XKR9: variants seen among roughly 807,000 people sequenced by gnomAD.
The protein encoded by XKR9 is XK related 9, also known as XK-related protein 9.
In XKR9, 32 loss-of-function variants were observed where a neutral mutation model predicts 32.0. That is an observed-to-expected ratio of 1.00 (90% CI 0.76 to 1.34). XKR9 has a LOEUF of 1.34. Among genes scored for constraint, XKR9 ranks in the 40% most tolerant of loss-of-function variants. XKR9 has a pLI of 0.00. For synonymous variants in XKR9, 168 were observed against 143.4 expected, an observed-to-expected ratio of 1.17 and a Z score of -1.22; for missense variants, 546 against 429.7, an observed-to-expected ratio of 1.27 and a Z score of -2.39.
chr8:71,044,136 G>C, the XKR9 span, among the ~76,000 whole-genome samples: 1 of 152,168 alleles, frequency 6.6e-6, no homozygotes, highest in Admixed American at 6.6e-5. Flanking sequence ...TATGCCTCTA[G>C]GGGTAATTTA....
chr8:70,935,797 C>A, the XKR9 span, among the ~76,000 whole-genome samples: 1 of 152,036 alleles, frequency 6.6e-6, no homozygotes, highest in Non-Finnish European at 1.5e-5. Context: ...AAGAATAATT[C>A]TGTTTGTTAG....
At chr8:70,812,471 A>G in the XKR9 span, among the ~76,000 whole-genome samples, 17 of 152,178 alleles carry the variant, frequency 1.1e-4, no homozygotes, top group East Asian at 1.5e-3. Flanking sequence ...GAAATAAAGG[A>G]TATTCAATGA....
chr8:71,023,803 A>G, the XKR9 span, among the ~76,000 whole-genome samples: 1 of 152,116 alleles, frequency 6.6e-6, no homozygotes, highest in Non-Finnish European at 1.5e-5. Context: ...GCAGGAAGGC[A>G]CCAGTGGTGG....
chr8:71,032,950 G>T, the XKR9 span, among the ~76,000 whole-genome samples: 1 of 152,062 alleles, frequency 6.6e-6, no homozygotes, highest in Non-Finnish European at 1.5e-5. Flanking sequence ...TGGGTGTGGT[G>T]GTGGGCACCT....
At position 70,680,971 on chromosome 8, in the gene XKR9, C is replaced by A; in HGVS notation, c.-88C>A. On this transcript the variant is annotated 5_prime_UTR_variant, in exon 3 of 5. It introduces an in-frame stop codon into an upstream open reading frame of the 5' UTR. Transcript: ENST00000408926. ...GTAGAAATTAAAATTCAATGCTATA[C>A]CAAAGGGTATACTAATATTTGTTTG... The A allele has an allele frequency of 7.8e-7, 1 of 1,285,518 alleles. No homozygotes were observed. Among genetic ancestry groups the A allele is most frequent in the Non-Finnish European group, 1.1e-6 (1 of 933,866 alleles). 79.6% of individuals were successfully genotyped at this position (1,285,518 alleles called of 1,614,324 possible).
At chr8:71,016,869 C>A in the XKR9 span, among the ~76,000 whole-genome samples, 1 of 151,504 alleles carries the variant, frequency 6.6e-6, no homozygotes, top group African/African-American at 2.4e-5. Flanking sequence ...AACCATTGAC[C>A]AGGAAAGCCC....
At chr8:70,724,117 A>G (rs960795590) in intron 4 of XKR9, among the ~76,000 whole-genome samples, 5 of 151,992 alleles carry the variant, frequency 3.3e-5, no homozygotes, top group South Asian at 4.1e-4. Flanking sequence ...CACTCTGGCC[A>G]CAGCCATTTT....
chr8:71,059,314 G>T, the XKR9 span, among the ~76,000 whole-genome samples: 11 of 152,182 alleles, frequency 7.2e-5, no homozygotes, highest in African/African-American at 2.7e-4. Context: ...CACTAACAAG[G>T]TGATTTCTTT....
chr8:70,886,840 G>A, the XKR9 span, among the ~76,000 whole-genome samples: 1 of 151,858 alleles, frequency 6.6e-6, no homozygotes, highest in Non-Finnish European at 1.5e-5. Context: ...TAGGTTGCTT[G>A]TTCACTCTGA....
the XKR9 span, among the ~76,000 whole-genome samples, chr8:71,041,163 C>G: frequency 2.6e-5 from 4 of 152,228 alleles, no homozygotes; most frequent in South Asian, 6.2e-4. Context: ...AAGACAACCA[C>G]TAGATTTTCT....
the XKR9 span, among the ~76,000 whole-genome samples, chr8:71,048,255 G>T: frequency 1.3e-5 from 2 of 152,154 alleles, no homozygotes; most frequent in Admixed American, 6.5e-5. Context: ...TTGAAAAAGT[G>T]CATTTCTCTC....
At chr8:70,762,079 CA>C (rs1807316662) in intron 2 of XKR9, among the ~76,000 whole-genome samples, 1 of 152,068 alleles carries the variant, frequency 6.6e-6, no homozygotes, top group African/African-American at 2.4e-5. Flanking sequence ...GTACCAGTAC[CA>C]TGCTGTTTTG....
intron 2 of XKR9, among the ~76,000 whole-genome samples, chr8:70,679,970 T>A (rs1466211813): frequency 1.3e-5 from 2 of 152,014 alleles, no homozygotes; most frequent in Non-Finnish European, 2.9e-5. Context: ...TAAAAAATTA[T>A]ATACCTAACA....
At chr8:70,935,915 A>G in the XKR9 span, among the ~76,000 whole-genome samples, 1 of 152,072 alleles carries the variant, frequency 6.6e-6, no homozygotes, top group East Asian at 1.9e-4. Flanking sequence ...TGAAATCTAT[A>G]CAAAAAACCA....
At chr8:70,684,220 C>T (rs1427732729) in intron 3 of XKR9, among the ~76,000 whole-genome samples, 4 of 152,100 alleles carry the variant, frequency 2.6e-5, no homozygotes, top group Non-Finnish European at 2.9e-5. Flanking sequence ...AATTGTCAGC[C>T]ATTAACTTTT....
chr8:70,705,466 G>T (rs960589558), intron 3 of XKR9, among the ~76,000 whole-genome samples: 1 of 152,134 alleles, frequency 6.6e-6, no homozygotes, highest in African/African-American at 2.4e-5. Flanking sequence ...TAATATTTGA[G>T]TAGAGACCTG....
the XKR9 span, among the ~76,000 whole-genome samples, chr8:70,816,402 G>T: frequency 1.3e-5 from 2 of 152,206 alleles, no homozygotes; most frequent in South Asian, 4.1e-4. Context: ...CTGCCCAAAG[G>T]AAATGAAATT....
At chr8:70,701,286 G>A (rs868726675) in intron 3 of XKR9, among the ~76,000 whole-genome samples, 5 of 152,162 alleles carry the variant, frequency 3.3e-5, no homozygotes, top group Admixed American at 6.5e-5. Context: ...CGTCACTCAC[G>A]CTGGGAGCTG....
chr8:70,919,704 T>C, the XKR9 span, among the ~76,000 whole-genome samples: 2 of 152,196 alleles, frequency 1.3e-5, no homozygotes, highest in African/African-American at 4.8e-5. Flanking sequence ...CTTTGATGAC[T>C]GGCTATCTTC....
Sources: allele counts gnomAD v4.1 joint callset (sites outside exome capture counted in the v4.1 genomes callset), GRCh38; gene constraint gnomAD v4.1.1; transcripts MANE v1.5; gene names NCBI Gene and HGNC (gene_info 2026-07-23, HGNC 2026-07-21).